Variants in MBNL2 observed in about 807,000 individuals in gnomAD.
MBNL2 encodes muscleblind-like protein 2.
In MBNL2, 17 loss-of-function variants were observed where a neutral mutation model predicts 41.9. That is an observed-to-expected ratio of 0.41 (90% CI 0.28 to 0.61). MBNL2 has a LOEUF of 0.61. MBNL2 is among the 20% of genes least tolerant of loss of function. MBNL2 has a pLI of 0.35. For missense variants in MBNL2, 336 were observed against 505.6 expected (o/e 0.66, Z 3.22); for synonymous variants, 195 against 182.9 (o/e 1.07, Z -0.53).
At chr13:97,320,890 G>A (rs1048985314) in intron 2 of MBNL2, among the ~76,000 whole-genome samples, 3 of 152,078 alleles carry the variant, frequency 2.0e-5, no homozygotes, top group African/African-American at 7.2e-5. Context: ...ACTCCAGCCT[G>A]GGCGACAGGA....
At chr13:97,146,257 T>C in the MBNL2 span, among the ~76,000 whole-genome samples, 1 of 151,776 alleles carries the variant, frequency 6.6e-6, no homozygotes, top group South Asian at 2.1e-4. Context: ...CGCCTCGGCC[T>C]CCCAAAGTGC....
chr13:97,174,332 C>T, the MBNL2 span, among the ~76,000 whole-genome samples: 1 of 152,158 alleles, frequency 6.6e-6, no homozygotes, highest in Non-Finnish European at 1.5e-5. Flanking sequence ...AAAGTTGACC[C>T]TTCTCTTGAC....
At chr13:97,308,969 G>C (rs2058351376) in intron 2 of MBNL2, among the ~76,000 whole-genome samples, 1 of 152,172 alleles carries the variant, frequency 6.6e-6, no homozygotes, top group Non-Finnish European at 1.5e-5. Context: ...CATGGAGAAA[G>C]GGCATCAGAG....
chr13:97,269,124 C>G (rs969418136), intron 1 of MBNL2, among the ~76,000 whole-genome samples: 14 of 152,132 alleles, frequency 9.2e-5, no homozygotes, highest in Admixed American at 5.2e-4. Context: ...GGCAACTACT[C>G]CCAAACATTG....
the MBNL2 span, among the ~76,000 whole-genome samples, chr13:97,213,051 G>A: frequency 6.6e-6 from 1 of 152,082 alleles, no homozygotes; most frequent in Non-Finnish European, 1.5e-5. Flanking sequence ...GGAGCCACAG[G>A]GACTTCCCAG....
At chr13:97,380,546 T>A (rs2065354160) in intron 8 of MBNL2, among the ~76,000 whole-genome samples, 2 of 152,014 alleles carry the variant, frequency 1.3e-5, no homozygotes, top group South Asian at 4.2e-4. Flanking sequence ...CATGTACAGT[T>A]CAGAATTGTG....
the MBNL2 span, among the ~76,000 whole-genome samples, chr13:97,213,012 G>T: frequency 6.6e-6 from 1 of 152,188 alleles, no homozygotes; most frequent in African/African-American, 2.4e-5. Flanking sequence ...AAAGGCTACT[G>T]TGAAGATCTG....
chr13:97,314,275 C>T (rs975091004), intron 2 of MBNL2, among the ~76,000 whole-genome samples: 4 of 152,222 alleles, frequency 2.6e-5, no homozygotes, highest in African/African-American at 7.2e-5. Context: ...GCCCCCTTAA[C>T]ACCTCAAATG....
chr13:97,377,080 A>G (rs746576740), intron 8 of MBNL2, among the ~76,000 whole-genome samples: 23 of 152,170 alleles, frequency 1.5e-4, no homozygotes, highest in Non-Finnish European at 3.2e-4. Context: ...CCTCACAAAG[A>G]ACCCACCACG....
At chr13:97,295,004 G>A (rs2056798320) in intron 2 of MBNL2, among the ~76,000 whole-genome samples, 1 of 152,192 alleles carries the variant, frequency 6.6e-6, no homozygotes, top group Non-Finnish European at 1.5e-5. Flanking sequence ...AGTTTGAAAT[G>A]TTATGGTATC....
intron 2 of MBNL2, among the ~76,000 whole-genome samples, chr13:97,283,814 G>A (rs2053895267): frequency 6.6e-6 from 1 of 152,150 alleles, no homozygotes; most frequent in African/African-American, 2.4e-5. Context: ...TGCTAAGGAA[G>A]GAGAAACATG....
chr13:97,314,792 C>T (rs903141564), intron 2 of MBNL2, among the ~76,000 whole-genome samples: 12 of 152,106 alleles, frequency 7.9e-5, no homozygotes, highest in African/African-American at 2.9e-4. Flanking sequence ...AGTAAATTTG[C>T]CCTTGGCTTT....
the MBNL2 span, among the ~76,000 whole-genome samples, chr13:97,165,446 A>G: frequency 1.3e-5 from 2 of 152,156 alleles, no homozygotes; most frequent in Non-Finnish European, 2.9e-5. Context: ...TCCTGACATC[A>G]TTTTTAAAAT....
intron 2 of MBNL2, among the ~76,000 whole-genome samples, chr13:97,283,710 C>G (rs542274182): frequency 7.9e-5 from 12 of 152,098 alleles, no homozygotes; most frequent in African/African-American, 2.7e-4. Context: ...TTTAAGAAGG[C>G]CTGAGGATCA....
Position 97,241,742 on chromosome 13 carries a change from G to A in MBNL2, c.-605+19211G>A, listed in dbSNP as rs149613332. On this transcript the variant is annotated intron_variant, in intron 1 of 8. Transcript: ENST00000679496. ...CCCAAAAGCCATTGGAGAACCCTGAGACCAACCCTATTTCACTTGGGCCCT... is the reference window on the plus strand; with the variant it reads ...CCCAAAAGCCATTGGAGAACCCTGAAACCAACCCTATTTCACTTGGGCCCT... 9.1e-4 allele frequency among the ~76,000 whole-genome samples: 138 copies of A among 152,312 alleles called. 1 individual carries two copies. Among genetic ancestry groups the A allele is most frequent in the African/African-American group, 2.9e-3 (122 of 41,570 alleles).
chr13:97,214,777 A>G, the MBNL2 span, among the ~76,000 whole-genome samples: 3 of 152,216 alleles, frequency 2.0e-5, no homozygotes, highest in Non-Finnish European at 2.9e-5. Flanking sequence ...TATAGGAGAA[A>G]GGGCGAATTC....
chr13:97,237,151 G>A (rs567707887), intron 1 of MBNL2, among the ~76,000 whole-genome samples: 3 of 152,326 alleles, frequency 2.0e-5, no homozygotes, highest in African/African-American at 2.4e-5. Flanking sequence ...CCGGGGTCCC[G>A]TAGGAAGCAC....
At chr13:97,385,471 C>A (rs971596761) in intron 8 of MBNL2, among the ~76,000 whole-genome samples, 3 of 152,248 alleles carry the variant, frequency 2.0e-5, no homozygotes, top group Non-Finnish European at 4.4e-5. Flanking sequence ...TCCATTATTT[C>A]TCTTTTCTAA....
intron 8 of MBNL2, among the ~76,000 whole-genome samples, chr13:97,373,352 C>T (rs889487218): frequency 5.9e-5 from 9 of 151,518 alleles, no homozygotes; most frequent in African/African-American, 2.2e-4. Flanking sequence ...GTGGTTACTT[C>T]AGATGAGGGA....
Sources: gnomAD v4.1 joint callset for allele counts (sites outside exome capture counted in the v4.1 genomes callset) on GRCh38, gnomAD v4.1.1 for gene constraint, MANE v1.5 for transcripts, NCBI Gene and HGNC (gene_info 2026-07-23, HGNC 2026-07-21) for gene names.